The following IFT43 variants were observed in gnomAD, a reference collection of about 807,000 sequenced individuals.
The protein encoded by IFT43 is intraflagellar transport 43, also known as intraflagellar transport protein 43 homolog.
A neutral mutation model predicts 32.3 loss-of-function variants in IFT43; 33 were observed. The observed-to-expected ratio is 1.02, with a 90% CI of 0.77 to 1.37. The LOEUF is 1.37. IFT43 is among the 40% of genes most tolerant of loss of function. The pLI is 0.00. For missense variants in IFT43, 274 were observed against 265.9 expected, an observed-to-expected ratio of 1.03 and a Z score of -0.21; for synonymous variants, 93 against 98.2, an observed-to-expected ratio of 0.95 and a Z score of 0.31.
intron 5 of IFT43, among the ~76,000 whole-genome samples, chr14:76,065,568 C>T (rs77730612): frequency 0.012 from 1,815 of 151,894 alleles, 13 homozygotes; most frequent in Non-Finnish European, 0.02. Context: ...CTTGTGGTTT[C>T]TAGAATTTTA....
intron 3 of IFT43, among the ~76,000 whole-genome samples, chr14:76,029,938 G>A (rs1696325872): frequency 7.9e-6 from 1 of 127,006 alleles, no homozygotes; most frequent in African/African-American, 3.1e-5. Context: ...CTGGAGTGCA[G>A]TGGTGCAATC....
At chr14:75,988,811 C>T in intron 1 of IFT43, 74 bp from the exon 2 acceptor site, 4 of 1,608,956 alleles carry the variant, frequency 2.5e-6, no homozygotes, top group Non-Finnish European at 3.4e-6. Context: ...AGCCACTGCG[C>T]CCGGCTGGAT....
chr14:76,070,182 G>A (rs1179170910), intron 5 of IFT43, among the ~76,000 whole-genome samples: 1 of 152,172 alleles, frequency 6.6e-6, no homozygotes, highest in East Asian at 1.9e-4. Context: ...GAGATGCTAG[G>A]CTGTCAATGG....
At chr14:76,014,814 G>C (rs11159162) in intron 2 of IFT43, among the ~76,000 whole-genome samples, 125,632 of 152,056 alleles carry the variant, frequency 0.83, 52,054 homozygotes, top group Non-Finnish European at 0.85. Flanking sequence ...TTTGGTGGAA[G>C]TGCCCCATGG....
At chr14:76,072,782 T>TA (rs2037344494) in intron 5 of IFT43, among the ~76,000 whole-genome samples, 1 of 152,014 alleles carries the variant, frequency 6.6e-6, no homozygotes, top group African/African-American at 2.4e-5. Flanking sequence ...GAGATCAGGG[T>TA]TTGTATGCTG....
At chr14:76,060,811 T>G (rs2140056466) in intron 5 of IFT43, among the ~76,000 whole-genome samples, 1 of 136,494 alleles carries the variant, frequency 7.3e-6, no homozygotes, top group South Asian at 2.8e-4. Flanking sequence ...CTTCCCTCCC[T>G]TCCTCCCTCC....
At chr14:76,061,953 G>T (rs760977090) in intron 5 of IFT43, among the ~76,000 whole-genome samples, 13 of 152,218 alleles carry the variant, frequency 8.5e-5, no homozygotes, top group Non-Finnish European at 1.6e-4. Flanking sequence ...TCAGATTAGG[G>T]ATGCTCAGCC....
chr14:76,006,721 A>C (rs1423339862), intron 2 of IFT43, among the ~76,000 whole-genome samples: 2 of 152,196 alleles, frequency 1.3e-5, no homozygotes, highest in Non-Finnish European at 2.9e-5. Context: ...TAACAAAATT[A>C]AAAGCTGTTA....
intron 2 of IFT43, among the ~76,000 whole-genome samples, chr14:75,993,938 C>A (rs1387924090): frequency 6.6e-6 from 1 of 152,174 alleles, no homozygotes; most frequent in Non-Finnish European, 1.5e-5. Context: ...TTGGTCAGAA[C>A]TGGATCTTAC....
chr14:76,083,086 T>C (rs1248235438), intron 7 of IFT43, 141 bp from the exon 8 acceptor site: 9 of 847,530 alleles, frequency 1.1e-5, no homozygotes, highest in Non-Finnish European at 1.6e-5. Flanking sequence ...CATTCATGAT[T>C]TTACTCTCTT....
intron 2 of IFT43, chr14:76,014,037 C>T: frequency 4.0e-6 from 1 of 247,606 alleles, no homozygotes; most frequent in Non-Finnish European, 8.7e-6. Context: ...AGCCCGAGCA[C>T]CCATTTCGGG....
At chr14:76,063,587 T>C (rs2037179782) in intron 5 of IFT43, among the ~76,000 whole-genome samples, 1 of 152,240 alleles carries the variant, frequency 6.6e-6, no homozygotes, top group Non-Finnish European at 1.5e-5. Flanking sequence ...ATCAAAGTCT[T>C]AGGCTGCTTA....
intron 2 of IFT43, among the ~76,000 whole-genome samples, chr14:76,001,004 G>T (rs1305232998): frequency 6.6e-6 from 1 of 152,128 alleles, no homozygotes; most frequent in African/African-American, 2.4e-5. Context: ...CAGATATGGG[G>T]GTCATCAGCA....
chr14:76,053,093 CAA>C (rs1177329210), intron 3 of IFT43, among the ~76,000 whole-genome samples: 2 of 151,808 alleles, frequency 1.3e-5, no homozygotes, highest in Admixed American at 6.6e-5. Flanking sequence ...CTCTGTGAAA[CAA>C]AGAGAATAAA....
intron 2 of IFT43, among the ~76,000 whole-genome samples, chr14:76,012,463 T>C (rs2036104047): frequency 6.6e-6 from 1 of 152,214 alleles, no homozygotes; most frequent in Non-Finnish European, 1.5e-5. Context: ...ACAGGCTCCT[T>C]TTTGTAGAAA....
intron 2 of IFT43, among the ~76,000 whole-genome samples, chr14:75,999,256 TATATATATATATATATGTATATA>T (rs1257833850): frequency 3.8e-3 from 46 of 12,144 alleles, no homozygotes; most frequent in African/African-American, 0.012. Flanking sequence ...TATATATATA[TATATATATATATATATGTATATA>T]TATTTTTTTT....
chr14:76,070,824 A>G (rs1264999487), intron 5 of IFT43, among the ~76,000 whole-genome samples: 1 of 149,806 alleles, frequency 6.7e-6, no homozygotes, highest in Non-Finnish European at 1.5e-5. Flanking sequence ...CTCCCCCTTC[A>G]CTTTCCACCA....
intron 5 of IFT43, among the ~76,000 whole-genome samples, chr14:76,069,088 G>A (rs1052067441): frequency 2.0e-5 from 3 of 152,158 alleles, no homozygotes; most frequent in Non-Finnish European, 2.9e-5. Flanking sequence ...TGGTTCTGCA[G>A]GCTGTGCAGG....
chr14:76,077,613 A>G (rs1334415442), intron 5 of IFT43, among the ~76,000 whole-genome samples: 1 of 152,140 alleles, frequency 6.6e-6, no homozygotes, highest in Non-Finnish European at 1.5e-5. Context: ...GTGGCCACGA[A>G]TAAAGTATTA....
Sources: allele counts gnomAD v4.1 joint callset (sites outside exome capture counted in the v4.1 genomes callset), GRCh38; gene constraint gnomAD v4.1.1; transcripts MANE v1.5; gene names NCBI Gene and HGNC (gene_info 2026-07-23, HGNC 2026-07-21).